The following SLC35F4 variants were observed in gnomAD, a reference collection of about 807,000 sequenced individuals.
The protein encoded by SLC35F4 is solute carrier family 35 member F4.
SLC35F4 carries 24 observed loss-of-function variants against 44.2 expected under a neutral mutation model. That is an observed-to-expected ratio of 0.54 (90% CI 0.39 to 0.76). The LOEUF is 0.76. Ranked by LOEUF, SLC35F4 falls within the 30% of genes least tolerant of loss-of-function variation. SLC35F4 has a pLI of 0.00. For synonymous variants in SLC35F4, 238 were observed against 223.6 expected (o/e 1.06, Z -0.57); for missense variants, 562 against 586.1 (o/e 0.96, Z 0.42).
At chr14:57,687,957 A>G (rs2075115354) in intron 1 of SLC35F4, among the ~76,000 whole-genome samples, 1 of 152,224 alleles carries the variant, frequency 6.6e-6, no homozygotes, top group Admixed American at 6.5e-5. Context: ...GTCACACTGC[A>G]AGATTGTAGA....
chr14:57,760,103 C>G (rs1438637786), intron 1 of SLC35F4, among the ~76,000 whole-genome samples: 2 of 151,884 alleles, frequency 1.3e-5, no homozygotes, highest in African/African-American at 4.8e-5. Flanking sequence ...AAATCATTGC[C>G]AAGTCCAATG....
At chr14:57,585,598 G>A (rs942076282) in intron 3 of SLC35F4, among the ~76,000 whole-genome samples, 21 of 152,218 alleles carry the variant, frequency 1.4e-4, no homozygotes, top group African/African-American at 4.1e-4. Flanking sequence ...AAACCCTACC[G>A]CCTCAGCCTA....
chr14:57,879,940 T>G (rs1595264337), intron 1 of SLC35F4, among the ~76,000 whole-genome samples: 4 of 130,564 alleles, frequency 3.1e-5, no homozygotes, highest in East Asian at 2.2e-4. Context: ...AGGAGTGAGG[T>G]GGGGAGGGAT....
intron 3 of SLC35F4, among the ~76,000 whole-genome samples, chr14:57,582,846 C>CAA (rs34063007): frequency 2.6e-5 from 4 of 152,092 alleles, no homozygotes; most frequent in Non-Finnish European, 5.9e-5. Flanking sequence ...TGAATAACCC[C>CAA]AAAAAAGGAC....
intron 1 of SLC35F4, among the ~76,000 whole-genome samples, chr14:57,850,479 C>T (rs964659744): frequency 1.3e-5 from 2 of 152,130 alleles, no homozygotes; most frequent in African/African-American, 4.8e-5. Context: ...CTTCTGGAAA[C>T]CATGATTGAA....
chr14:57,954,346 A>C (rs1453427125), intron 1 of SLC35F4, among the ~76,000 whole-genome samples: 6 of 152,140 alleles, frequency 3.9e-5, no homozygotes, highest in Non-Finnish European at 8.8e-5. Flanking sequence ...ACTGACACTA[A>C]CATCACAATT....
At chr14:57,695,965 T>A (rs938904119) in intron 1 of SLC35F4, among the ~76,000 whole-genome samples, 5 of 152,080 alleles carry the variant, frequency 3.3e-5, no homozygotes, top group Non-Finnish European at 7.4e-5. Flanking sequence ...ATGTAAAACC[T>A]AAAGCCAGAA....
At position 57,666,706 on chromosome 14, in the gene SLC35F4, ACTT is replaced by A. The variant is rs1286677246; in HGVS notation, c.104-72585_104-72583del. On this transcript the variant is annotated intron_variant, in intron 1 of 7. Coordinates refer to ENST00000556826, the MANE Select transcript of SLC35F4 (RefSeq NM_001306087.2). The stretch of plus-strand genomic sequence containing the variant: ...CAAGCATGATGGCCAAAAAAAAGGA[ACTT>A]CTTTTTTTTTTTTTCAACTGACTGT... 2.3e-4 allele frequency among the ~76,000 whole-genome samples: 34 copies of A among 148,868 alleles called. 1 individual carries two copies. Among genetic ancestry groups the A allele is most frequent in the African/African-American group, 8.0e-4 (33 of 41,326 alleles).
At chr14:57,901,650 C>T (rs1464810674) in intron 1 of SLC35F4, among the ~76,000 whole-genome samples, 1 of 152,030 alleles carries the variant, frequency 6.6e-6, no homozygotes, top group Admixed American at 6.6e-5. Flanking sequence ...CCTGCACATC[C>T]TGCACATGTA....
intron 1 of SLC35F4, among the ~76,000 whole-genome samples, chr14:57,774,985 T>C (rs2077453703): frequency 6.6e-6 from 1 of 152,142 alleles, no homozygotes; most frequent in South Asian, 2.1e-4. Context: ...TTATCAGACA[T>C]GGAGCCTGCC....
intron 1 of SLC35F4, among the ~76,000 whole-genome samples, chr14:57,728,731 G>A (rs1333593272): frequency 2.0e-5 from 3 of 151,904 alleles, no homozygotes; most frequent in Non-Finnish European, 4.4e-5. Context: ...CCAAAGTGCT[G>A]GGATTACACG....
At chr14:57,731,434 T>C (rs1431092779) in intron 1 of SLC35F4, among the ~76,000 whole-genome samples, 1 of 152,150 alleles carries the variant, frequency 6.6e-6, no homozygotes, top group African/African-American at 2.4e-5. Flanking sequence ...CATGGGAGGG[T>C]CATCCAGACA....
intron 1 of SLC35F4, among the ~76,000 whole-genome samples, chr14:57,967,917 T>C (rs1347244539): frequency 6.6e-6 from 1 of 152,210 alleles, no homozygotes; most frequent in East Asian, 1.9e-4. Flanking sequence ...TAAATTTTGG[T>C]GATCATAAAA....
At chr14:57,662,153 G>A (rs551778040) in intron 1 of SLC35F4, among the ~76,000 whole-genome samples, 256 of 152,204 alleles carry the variant, frequency 1.7e-3, no homozygotes, top group Non-Finnish European at 3.3e-3. Flanking sequence ...TAGAAATCTC[G>A]TGATCAGAGT....
intron 1 of SLC35F4, among the ~76,000 whole-genome samples, chr14:57,843,261 C>G (rs1429542350): frequency 6.6e-6 from 1 of 152,084 alleles, no homozygotes; most frequent in Non-Finnish European, 1.5e-5. Context: ...TCTAAAGAAC[C>G]CTGACTGATA....
intron 1 of SLC35F4, among the ~76,000 whole-genome samples, chr14:57,814,466 C>G (rs1882341741): frequency 1.3e-5 from 2 of 152,228 alleles, no homozygotes; most frequent in South Asian, 4.1e-4. Context: ...AGCAGTCTTT[C>G]TTCTCTATAG....
intron 1 of SLC35F4, among the ~76,000 whole-genome samples, chr14:57,917,845 G>A (rs1889360546): frequency 6.6e-6 from 1 of 152,124 alleles, no homozygotes; most frequent in Non-Finnish European, 1.5e-5. Context: ...CTATGACTAG[G>A]CCTTAATCTG....
intron 1 of SLC35F4, among the ~76,000 whole-genome samples, chr14:57,779,620 G>A (rs2077570092): frequency 2.0e-5 from 3 of 152,052 alleles, no homozygotes; most frequent in Admixed American, 1.3e-4. Context: ...ATCTGGCAGA[G>A]ATACAACAAA....
chr14:57,977,213 T>C (rs1429196899), intron 1 of SLC35F4, among the ~76,000 whole-genome samples: 2 of 152,184 alleles, frequency 1.3e-5, no homozygotes, highest in African/African-American at 4.8e-5. Flanking sequence ...CTCTAATTTA[T>C]ATAACTAGAT....
Sources: allele counts gnomAD v4.1 joint callset (sites outside exome capture counted in the v4.1 genomes callset), GRCh38; gene constraint gnomAD v4.1.1; transcripts MANE v1.5; gene names NCBI Gene and HGNC (gene_info 2026-07-23, HGNC 2026-07-21).